The following HK2 variants were observed in gnomAD, a reference collection of about 807,000 sequenced individuals.
HK2 encodes hexokinase 2, also known as hexokinase-2.
In HK2, 42 loss-of-function variants were observed where a neutral mutation model predicts 92.9. The ratio of observed to expected loss-of-function variants is 0.45; its 90% CI spans 0.35 to 0.58. The LOEUF is 0.58. Among genes scored for constraint, HK2 ranks in the 20% least tolerant of loss-of-function variants. The pLI, the probability that HK2 is intolerant of heterozygous loss-of-function variation, is 0.00. For missense variants in HK2, 978 were observed against 1,245.1 expected (o/e 0.79, Z 3.23); for synonymous variants, 422 against 468.0 (o/e 0.90, Z 1.27).
intron 9 of HK2, among the ~76,000 whole-genome samples, chr2:74,879,543 C>T (rs927450149): frequency 4.0e-4 from 61 of 152,300 alleles, no homozygotes; most frequent in African/African-American, 1.4e-3. Flanking sequence ...TGCAAAAACT[C>T]GAGTGTGCAC....
chr2:74,855,765 A>G (rs922998607), intron 2 of HK2, among the ~76,000 whole-genome samples: 6 of 152,092 alleles, frequency 3.9e-5, no homozygotes, highest in African/African-American at 1.4e-4. Flanking sequence ...GGTAGAGTGG[A>G]GGGGGAGCGA....
chr2:74,864,261 AT>A (rs1688897853), intron 2 of HK2, among the ~76,000 whole-genome samples: 1 of 152,150 alleles, frequency 6.6e-6, no homozygotes, highest in Admixed American at 6.5e-5. Context: ...TGGCAATGGT[AT>A]TTGCTGTGCG....
intron 10 of HK2, among the ~76,000 whole-genome samples, chr2:74,880,976 C>G (rs1303408640): frequency 1.3e-5 from 2 of 152,366 alleles, no homozygotes; most frequent in South Asian, 2.1e-4. Flanking sequence ...GTTCTAGAAT[C>G]TGCTCTTGCA....
chr2:74,856,531 T>C (rs1212885469), intron 2 of HK2, among the ~76,000 whole-genome samples: 1 of 152,144 alleles, frequency 6.6e-6, no homozygotes, highest in East Asian at 1.9e-4. Context: ...ATGTACACAC[T>C]CCGGAAGGCC....
Position 74,890,916 on chromosome 2 carries a change from G to C in HK2, c.2729G>C (p.Arg910Pro). ...GAALITAVAC[R>P]IREAGQR Reference sequence around the variant, plus strand: ...GCGCTCATCACTGCTGTGGCCTGCCGCATCCGTGAGGCTGGACAGCGATAG... The same window carrying C: ...GCGCTCATCACTGCTGTGGCCTGCCCCATCCGTGAGGCTGGACAGCGATAG... The change falls in exon 18 of 18, where the codon CGC (arginine) becomes CCC (proline). Residue 910 changes from arginine to proline, a missense_variant. Around this residue, in one of 3 missense-constraint regions of HK2, gnomAD observed 742 missense variants for 922.5 expected, o/e 0.80. Coordinates refer to ENST00000290573, the MANE Select transcript of HK2 (RefSeq NM_000189.5). 1 of 1,614,176 alleles carries C rather than the reference G, an allele frequency of 6.2e-7. No homozygotes were observed. The highest frequency in any genetic ancestry group is 8.5e-7 in the Non-Finnish European group (1 of 1,180,014).
At chr2:74,885,641 C>T (rs1224532977) in intron 13 of HK2, 52 bp downstream of exon 13, 2 of 1,196,534 alleles carry the variant, frequency 1.7e-6, no homozygotes, top group Middle Eastern at 1.9e-4. Flanking sequence ...AATGATTGGC[C>T]TGGTCTGTGT....
intron 2 of HK2, among the ~76,000 whole-genome samples, chr2:74,864,488 T>C (rs984241749): frequency 6.6e-6 from 1 of 151,126 alleles, no homozygotes; most frequent in African/African-American, 2.4e-5. Context: ...ACTGTGTTTC[T>C]TCTTTGTTGT....
chr2:74,873,401 G>C lies in HK2; in HGVS notation c.591+30G>C, dbSNP rs780630374. 2.0e-6 allele frequency: 3 copies of C among 1,523,378 alleles called. No individual in the cohort carries two copies. The South Asian group carries it at 3.4e-5, about 17-fold the overall frequency. 94.4% of individuals were successfully genotyped at this position (1,523,378 alleles called of 1,614,324 possible). Reference sequence around the variant, plus strand: ...GTGGGGTGGCAGGAGCTTGGGGTCTGTGGGCTTTTCTGGGTCCACCCTGAA... The same window carrying C: ...GTGGGGTGGCAGGAGCTTGGGGTCTCTGGGCTTTTCTGGGTCCACCCTGAA... On this transcript the variant is annotated intron_variant, in intron 5 of 17. Coordinates refer to ENST00000290573, the MANE Select transcript of HK2 (RefSeq NM_000189.5).
At chr2:74,835,573 G>C (rs573641029) in intron 1 of HK2, among the ~76,000 whole-genome samples, 76 of 152,270 alleles carry the variant, frequency 5.0e-4, no homozygotes, top group African/African-American at 1.8e-3. Flanking sequence ...AGGCCAAGCC[G>C]GGAAGCTCTC....
chr2:74,847,094 A>G (rs143997771), intron 1 of HK2, among the ~76,000 whole-genome samples: 59 of 152,286 alleles, frequency 3.9e-4, no homozygotes, highest in African/African-American at 1.3e-3. Context: ...TAGATAATCA[A>G]TTAGAAATAT....
At chr2:74,852,560 C>A (rs1173123832) in intron 1 of HK2, among the ~76,000 whole-genome samples, 1 of 152,166 alleles carries the variant, frequency 6.6e-6, no homozygotes, top group Non-Finnish European at 1.5e-5. Context: ...AGATCAGAGA[C>A]CCAGCTTGTG....
At chr2:74,836,888 G>A (rs1468018571) in intron 1 of HK2, among the ~76,000 whole-genome samples, 1 of 152,190 alleles carries the variant, frequency 6.6e-6, no homozygotes, top group Non-Finnish European at 1.5e-5. Flanking sequence ...ATCCCCTTGT[G>A]ATAAGATAAT....
intron 1 of HK2, among the ~76,000 whole-genome samples, chr2:74,851,074 G>T (rs3755454): frequency 0.18 from 27,649 of 152,126 alleles, 5,917 homozygotes; most frequent in African/African-American, 0.52. Flanking sequence ...AGGTCCCAGG[G>T]TCATCCAAGA....
At chr2:74,871,199 A>T (rs1689090090) in intron 3 of HK2, among the ~76,000 whole-genome samples, 1 of 152,172 alleles carries the variant, frequency 6.6e-6, no homozygotes. Flanking sequence ...TAGACCCTAG[A>T]ATGTACATTT....
chr2:74,850,446 G>C (rs2103870139), intron 1 of HK2, among the ~76,000 whole-genome samples: 1 of 152,284 alleles, frequency 6.6e-6, no homozygotes, highest in East Asian at 1.9e-4. Flanking sequence ...TTCAAACCTA[G>C]GCCACATGAC....
At chr2:74,848,595 C>T (rs189205475) in intron 1 of HK2, among the ~76,000 whole-genome samples, 11 of 152,330 alleles carry the variant, frequency 7.2e-5, no homozygotes, top group Non-Finnish European at 1.0e-4. Flanking sequence ...TTGAATGATA[C>T]GGATCTTACA....
In HK2 at chr2:74,834,639, A is replaced by C; in HGVS notation, c.59A>C (p.Gln20Pro). The C allele has an allele frequency of 6.2e-7, 1 of 1,613,936 alleles. No homozygotes were observed. Among genetic ancestry groups the C allele is most frequent in the Non-Finnish European group, 8.5e-7 (1 of 1,179,846 alleles). ...FFTELNHDQV[Q>P]KVDQYLYHMR... ...ACGGAGCTCAACCATGACCAAGTGC[A>C]GAAGGTAAGTCAGCGCGGGCGGGGC... The change falls in exon 1 of 18, where the codon CAG (glutamine) becomes CCG (proline). Residue 20 changes from glutamine (Q) to proline (P), a missense_variant. Physicochemically the swap from Gln to Pro is moderately conservative, Grantham distance 76. Coordinates refer to ENST00000290573, the MANE Select transcript of HK2 (RefSeq NM_000189.5). This position sits in a 1 kb window ranked among gnomAD's most constrained non-coding sequence, Gnocchi z 4.2.
At chr2:74,869,982 G>GTCTT (rs577635087) in intron 3 of HK2, among the ~76,000 whole-genome samples, 1 of 149,440 alleles carries the variant, frequency 6.7e-6, no homozygotes, top group African/African-American at 2.5e-5. Flanking sequence ...AATTTTTAAG[G>GTCTT]TCTTTTTTCT....
intron 1 of HK2, among the ~76,000 whole-genome samples, chr2:74,835,993 C>A (rs1573346603): frequency 6.6e-6 from 1 of 152,228 alleles, no homozygotes; most frequent in East Asian, 1.9e-4. Flanking sequence ...TCTGGAGGAG[C>A]GAGCAGAGGC....
Sources: gnomAD v4.1 joint callset for allele counts (sites outside exome capture counted in the v4.1 genomes callset) on GRCh38, gnomAD v4.1.1 for gene constraint, gnomAD v4.1.1 regional missense constraint, Gnocchi (gnomAD v3.1) non-coding constraint, MANE v1.5 for transcripts, NCBI Gene and HGNC (gene_info 2026-07-23, HGNC 2026-07-21) for gene names.